HIBCH: variants seen among roughly 807,000 people sequenced by gnomAD.
HIBCH encodes 3-hydroxyisobutyryl-CoA hydrolase, mitochondrial.
A neutral mutation model predicts 58.2 loss-of-function variants in HIBCH; 50 were observed. That is an observed-to-expected ratio of 0.86 (90% CI 0.68 to 1.09). The LOEUF (loss-of-function observed/expected upper bound fraction) is 1.09. HIBCH is among the 50% of genes least tolerant of loss of function. HIBCH has a pLI of 0.00. For synonymous variants in HIBCH, 151 were observed against 146.9 expected (o/e 1.03, Z -0.20); for missense variants, 450 against 449.7 (o/e 1.00, Z -0.01).
chr2:190,192,785 G>T (rs1689778523), intron 1 of HIBCH, among the ~76,000 whole-genome samples: 1 of 152,020 alleles, frequency 6.6e-6, no homozygotes, highest in Non-Finnish European at 1.5e-5. Flanking sequence ...TCATGTTTTT[G>T]ATGCTATTGC....
At chr2:190,258,731 C>T (rs1347699902) in intron 7 of HIBCH, among the ~76,000 whole-genome samples, 1 of 152,140 alleles carries the variant, frequency 6.6e-6, no homozygotes, top group Non-Finnish European at 1.5e-5. Context: ...ATGTTTTCTT[C>T]TAGTGGTTTT....
chr2:190,272,063 GC>G (rs1219386947), intron 6 of HIBCH, among the ~76,000 whole-genome samples: 4 of 148,772 alleles, frequency 2.7e-5, no homozygotes, highest in Admixed American at 2.7e-4. Context: ...CCTTCCTTAA[GC>G]CTCAGCTTAA....
At chr2:190,298,062 A>C (rs981845565) in intron 2 of HIBCH, among the ~76,000 whole-genome samples, 6 of 152,106 alleles carry the variant, frequency 3.9e-5, no homozygotes, top group Admixed American at 3.9e-4. Context: ...AGCTTTATCC[A>C]TGTCCCTGCG....
rs1172459809 is a variant in HIBCH at position 190,210,202 on chromosome 2, A to G, written c.1012-1289T>C. Among the ~76,000 whole-genome samples the G allele has an allele frequency of 1.3e-5, 2 of 152,074 alleles. No individual in the cohort carries two copies. The highest frequency in any genetic ancestry group is 2.9e-5 in the Non-Finnish European group (2 of 68,012). ...TTTCCTCTCCAACTTACTACACTCT[A>G]ACTTCTGCCCCCACTCCTCTAAAAT... On this transcript the variant is annotated intron_variant, in intron 12 of 13. Transcript: ENST00000359678. This position sits in a 1 kb window ranked among gnomAD's most constrained non-coding sequence, Gnocchi z 5.5.
At chr2:190,287,673 GT>G in intron 5 of HIBCH, 35 bp from the exon 6 acceptor site, 1 of 1,468,356 alleles carries the variant, frequency 6.8e-7, no homozygotes, top group Admixed American at 1.7e-5. Flanking sequence ...TAGTTACAGT[GT>G]TTAAAATACA....
chr2:190,245,005 A>T, intron 10 of HIBCH, 37 bp from the exon 11 acceptor site: 1 of 1,249,116 alleles, frequency 8.0e-7, no homozygotes, highest in Non-Finnish European at 1.2e-6. Context: ...CCAATGTGTA[A>T]GTGATTTCCT....
chr2:190,265,293 C>G (rs966916090), intron 6 of HIBCH, among the ~76,000 whole-genome samples: 1 of 145,520 alleles, frequency 6.9e-6, no homozygotes, highest in Non-Finnish European at 1.5e-5. Flanking sequence ...TTTAGCCATT[C>G]TAATGACTAT....
intron 1 of HIBCH, among the ~76,000 whole-genome samples, chr2:190,196,922 A>T (rs920332444): frequency 6.6e-6 from 1 of 152,116 alleles, no homozygotes; most frequent in African/African-American, 2.4e-5. Context: ...CTGGGTGTTT[A>T]TCAATCAGTC....
At position 190,216,077 on chromosome 2, in the gene HIBCH, G is replaced by C. The variant is rs1690622097; in HGVS notation, c.892-3002C>G. On this transcript the variant is annotated intron_variant, in intron 11 of 13. Coordinates refer to ENST00000359678, the MANE Select transcript of HIBCH (RefSeq NM_014362.4). This position sits in a 1 kb window ranked among gnomAD's most constrained non-coding sequence, Gnocchi z 4.2. ...AAAAGACAAAGATCAAAGAGACACA[G>C]AAGGTGAGACTGGGGAGAAAAATAA... 1 of 152,432 alleles carries C rather than the reference G, an allele frequency of 6.6e-6. No individual in the cohort carries two copies. Among genetic ancestry groups the C allele is most frequent in the East Asian group, 1.9e-4 (1 of 5,204 alleles). 9.4% of individuals were successfully genotyped at this position (152,432 alleles called of 1,614,324 possible). A position where few individuals can be genotyped will look rare whatever the true frequency, so the allele number is the denominator to read the frequency against.
At chr2:190,299,910 C>A (rs377654444) in intron 2 of HIBCH, among the ~76,000 whole-genome samples, 1 of 151,666 alleles carries the variant, frequency 6.6e-6, no homozygotes, top group Non-Finnish European at 1.5e-5. Flanking sequence ...TAAGTGAGAA[C>A]GTGCGGTATC....
intron 13 of HIBCH, 103 bp from the exon 14 acceptor site, chr2:190,205,335 T>TATCATACTTTTTTCC: frequency 2.9e-6 from 2 of 699,592 alleles, no homozygotes; most frequent in Non-Finnish European, 4.9e-6. Flanking sequence ...CACATTTTTC[T>TATCATACTTTTTTCC]ATCATACTTT....
intron 11 of HIBCH, among the ~76,000 whole-genome samples, chr2:190,229,237 C>T (rs986926285): frequency 3.9e-5 from 6 of 152,104 alleles, no homozygotes; most frequent in African/African-American, 1.4e-4. Flanking sequence ...TTAAAAAATG[C>T]ATTAAAAACA....
chr2:190,307,210 T>C (rs1688436387), intron 2 of HIBCH, among the ~76,000 whole-genome samples: 1 of 152,184 alleles, frequency 6.6e-6, no homozygotes, highest in South Asian at 2.1e-4. Flanking sequence ...ACATGTGTAC[T>C]GTCATGAAAA....
intron 11 of HIBCH, among the ~76,000 whole-genome samples, chr2:190,244,129 TAATATA>T (rs1312822569): frequency 1.5e-5 from 2 of 135,638 alleles, no homozygotes; most frequent in Non-Finnish European, 3.2e-5. Context: ...ATGTGGAGCC[TAATATA>T]TATATATATA....
chr2:190,215,740 G>T lies in HIBCH; in HGVS notation c.892-2665C>A, dbSNP rs7586204. The T allele has an allele frequency of 6.6e-6, 1 of 152,318 alleles. No homozygotes were observed. Among genetic ancestry groups the T allele is most frequent in the East Asian group, 1.9e-4 (1 of 5,202 alleles). 9.4% of individuals were successfully genotyped at this position (152,318 alleles called of 1,614,324 possible). A position where few individuals can be genotyped will look rare whatever the true frequency, so the allele number is the denominator to read the frequency against. Reference sequence around the variant, plus strand: ...AGATAAAGGGGAGGAAACAGCAAACGTAGAGGGCCAGAGAAAGAGTTAAGC... The same window carrying T: ...AGATAAAGGGGAGGAAACAGCAAACTTAGAGGGCCAGAGAAAGAGTTAAGC... On this transcript the variant is annotated intron_variant, in intron 11 of 13. Coordinates refer to ENST00000359678, the MANE Select transcript of HIBCH (RefSeq NM_014362.4). This position sits in a 1 kb window ranked among gnomAD's most constrained non-coding sequence, Gnocchi z 4.4.
chr2:190,227,505 C>T (rs568587902), intron 11 of HIBCH, among the ~76,000 whole-genome samples: 3 of 152,294 alleles, frequency 2.0e-5, no homozygotes, highest in African/African-American at 7.2e-5. Flanking sequence ...AGGCCATAGG[C>T]ATGGGCAAGG....
chr2:190,239,447 G>A (rs1037324777), intron 11 of HIBCH, among the ~76,000 whole-genome samples: 12 of 152,054 alleles, frequency 7.9e-5, no homozygotes, highest in Non-Finnish European at 1.3e-4. Flanking sequence ...TAGAGTACAC[G>A]GGCTCTATTT....
intron 1 of HIBCH, among the ~76,000 whole-genome samples, chr2:190,195,941 C>CTTTTTTTTTTTTT (rs35679833): frequency 2.3e-5 from 2 of 86,196 alleles, no homozygotes; most frequent in African/African-American, 4.1e-5. Context: ...CTGTGTCCAG[C>CTTTTTTTTTTTTT]TTTTTTTTTT....
chr2:190,222,624 G>A (rs1430765145), intron 11 of HIBCH, among the ~76,000 whole-genome samples: 1 of 152,124 alleles, frequency 6.6e-6, no homozygotes, highest in Admixed American at 6.6e-5. Flanking sequence ...GGAAAAAACA[G>A]ATCCTGGAGA....
Sources: allele counts gnomAD v4.1 joint callset (sites outside exome capture counted in the v4.1 genomes callset), GRCh38; gene constraint gnomAD v4.1.1; non-coding constraint Gnocchi (gnomAD v3.1); transcripts MANE v1.5; gene names NCBI Gene and HGNC (gene_info 2026-07-23, HGNC 2026-07-21).